Variants in ZNF76 observed in about 807,000 individuals in gnomAD.
ZNF76 encodes the protein zinc finger protein 523.
Under a neutral mutation model 66.9 loss-of-function variants are expected in ZNF76, and 66 were observed. That is an observed-to-expected ratio of 0.99 (90% CI 0.81 to 1.21). The LOEUF (loss-of-function observed/expected upper bound fraction) is 1.21, where lower values mean the gene tolerates loss of function less well. Among genes scored for constraint, ZNF76 ranks in the 50% most tolerant of loss-of-function variants. The pLI is 0.00. For missense variants in ZNF76, 729 were observed against 760.3 expected (o/e 0.96, Z 0.48); for synonymous variants, 275 against 296.1 (o/e 0.93, Z 0.73).
At chr6:35,281,894 C>T (rs1788819679) in intron 2 of ZNF76, among the ~76,000 whole-genome samples, 1 of 150,480 alleles carries the variant, frequency 6.6e-6, no homozygotes, top group Admixed American at 6.7e-5. Flanking sequence ...TATCACTGCA[C>T]CACTGCACAC....
chr6:35,290,477 C>A, intron 6 of ZNF76, 95 bp downstream of exon 6: 1 of 1,566,130 alleles, frequency 6.4e-7, no homozygotes, highest in Non-Finnish European at 8.7e-7. Flanking sequence ...TCCCTGCCCT[C>A]ACGTTGCTGG....
At chr6:35,291,876 GT>G in intron 9 of ZNF76, 139 bp downstream of exon 9, 1 of 941,906 alleles carries the variant, frequency 1.1e-6, no homozygotes, top group Non-Finnish European at 1.6e-6. Flanking sequence ...TGGGGGTAGG[GT>G]ATCCCCAGAA....
chr6:35,291,113 G>A, intron 7 of ZNF76, 165 bp from the exon 8 acceptor site: 2 of 823,252 alleles, frequency 2.4e-6, no homozygotes, highest in Non-Finnish European at 1.9e-6. Flanking sequence ...GAGGGAAGCA[G>A]GGCAGAGTGG....
intron 1 of ZNF76, among the ~76,000 whole-genome samples, chr6:35,273,157 G>GA (rs946593737): frequency 2.8e-5 from 4 of 143,698 alleles, no homozygotes; most frequent in African/African-American, 7.6e-5. Context: ...CTCTGTCTCA[G>GA]AAAAAAAACA....
chr6:35,293,850 G>C lies in ZNF76; in HGVS notation c.1429G>C (p.Asp477His). ...CCTCACCATCCCCAGTCCTGATGCC[G>C]ACCTGGCCACATCTGGCACACATAC... Reference protein sequence around the residue: ...TTLTIPSPDADLATSGTHTVT... With the variant: ...TTLTIPSPDAHLATSGTHTVT... The change falls in exon 12 of 14, where the codon GAC (aspartate) becomes CAC (histidine). Residue 477 changes from aspartate to histidine, a missense_variant. Physicochemically the swap from Asp to His is moderately conservative, Grantham distance 81. Transcript: ENST00000373953. The C allele has an allele frequency of 1.9e-6, 3 of 1,614,088 alleles. No individual in the cohort carries two copies. Among genetic ancestry groups the C allele is most frequent in the Non-Finnish European group, 2.5e-6 (3 of 1,180,004 alleles).
Position 35,291,688 on chromosome 6 carries a change from C to T in ZNF76, c.882C>T (p.Arg294=), listed in dbSNP as rs757919568. 9 of 1,613,196 alleles carry T rather than the reference C, an allele frequency of 5.6e-6. No homozygotes were observed. The highest frequency in any genetic ancestry group is 1.7e-5 in the Admixed American group (1 of 60,004). ...CCTGCCCGGAGCCCCACTGTGGCCG[C>T]GGCTTCACCAGCGCCACCAACTATA... ...PYTCPEPHCG[R]GFTSATNYKN... is the part of the protein sequence containing the mutation. Residue 294 remains arginine (R), a synonymous_variant, in exon 9 of 14, where the codon CGC becomes CGT. Transcript: ENST00000373953.
At chr6:35,290,828 A>C in intron 7 of ZNF76, 112 bp downstream of exon 7, 1 of 1,026,024 alleles carries the variant, frequency 9.7e-7, no homozygotes, top group Non-Finnish European at 1.5e-6. Context: ...AACTACCGTC[A>C]GAGTACTCTG....
chr6:35,281,409 C>G (rs1007711402), intron 2 of ZNF76, among the ~76,000 whole-genome samples, 185 bp downstream of exon 2: 1 of 152,138 alleles, frequency 6.6e-6, no homozygotes, highest in Non-Finnish European at 1.5e-5. Flanking sequence ...AAATAAAATG[C>G]TACAAGTCAG....
At position 35,266,961 on chromosome 6, in the gene ZNF76, C is replaced by T. The variant is rs1178550901; in HGVS notation, c.-97+7120C>T. Among the ~76,000 whole-genome samples the T allele has an allele frequency of 1.4e-4, 21 of 151,624 alleles. No homozygotes were observed. In the East Asian group the frequency reaches 1.6e-3, roughly 11 times the overall value. Reference sequence around the variant, plus strand: ...GACTACAGGTGCCCACCACCGCGCCCGGCTAATTTTTGTATTTTTAGTAGA... The same window carrying T: ...GACTACAGGTGCCCACCACCGCGCCTGGCTAATTTTTGTATTTTTAGTAGA... On this transcript the variant is annotated intron_variant, in intron 1 of 13. Transcript: ENST00000373953.
intron 1 of ZNF76, among the ~76,000 whole-genome samples, chr6:35,272,045 C>T (rs914036734): frequency 2.0e-5 from 3 of 152,118 alleles, no homozygotes; most frequent in African/African-American, 2.4e-5. Flanking sequence ...ATCAAGGCTG[C>T]AGTGGGCTAT....
chr6:35,272,429 G>A (rs896586399), intron 1 of ZNF76, among the ~76,000 whole-genome samples: 16 of 151,948 alleles, frequency 1.1e-4, no homozygotes, highest in Admixed American at 2.6e-4. Context: ...TGATCATGCC[G>A]TTGCACTTGT....
At chr6:35,275,537 A>G (rs181051241) in intron 1 of ZNF76, among the ~76,000 whole-genome samples, 2 of 152,302 alleles carry the variant, frequency 1.3e-5, no homozygotes, top group Non-Finnish European at 2.9e-5. Context: ...ATTGAAAGAA[A>G]GTACAGGGAG....
Position 35,291,590 on chromosome 6 carries a change from T to G in ZNF76, c.784T>G (p.Cys262Gly). ...CCCGTTCCAGTGCCCTTTTGAGGGC[T>G]GTGGCCGCTCCTTCACCACATCTAA... ...ERPFQCPFEG[C>G]GRSFTTSNIR... is the part of the protein sequence containing the mutation. The change falls in exon 9 of 14, where the codon TGT (cysteine) becomes GGT (glycine). Residue 262 changes from cysteine (C) to glycine (G), a missense_variant. Coordinates refer to ENST00000373953, the MANE Select transcript of ZNF76 (RefSeq NM_003427.5). 6.2e-7 allele frequency: 1 copy of G among 1,614,008 alleles called. No individual in the cohort carries two copies. The highest frequency in any genetic ancestry group is 8.5e-7 in the Non-Finnish European group (1 of 1,179,874).
chr6:35,295,249 G>T lies in ZNF76; in HGVS notation c.*1G>T. 1.3e-6 allele frequency: 2 copies of T among 1,597,906 alleles called. No individual in the cohort carries two copies. ...AACAGTGTCGGAGAGTGGCTGCTGA[G>T]TCCAAGAGGGCTGGGTCCCACACCA... On this transcript the variant is annotated 3_prime_UTR_variant, in exon 14 of 14. Transcript: ENST00000373953.
chr6:35,269,312 G>A (rs1046281816), intron 1 of ZNF76, among the ~76,000 whole-genome samples: 36 of 151,098 alleles, frequency 2.4e-4, no homozygotes, highest in Non-Finnish European at 4.3e-4. Flanking sequence ...AATGTATGAG[G>A]CGTACTCAGG....
intron 9 of ZNF76, 114 bp downstream of exon 9, chr6:35,291,851 C>T (rs1790441228): frequency 2.3e-6 from 3 of 1,319,742 alleles, no homozygotes; most frequent in Non-Finnish European, 3.1e-6. Flanking sequence ...CTGTGCCAGC[C>T]ATTCCAGGCT....
chr6:35,287,609 T>A lies in ZNF76; in HGVS notation c.233-37T>A. On this transcript the variant is annotated intron_variant, in intron 4 of 13. Coordinates refer to ENST00000373953, the MANE Select transcript of ZNF76 (RefSeq NM_003427.5). The surrounding 1 kb of genome is among the most constrained non-coding windows in gnomAD (Gnocchi z 4.0). Reference sequence around the variant, plus strand: ...AGGGTCCCAGCTGTATCTCTTCCCCTTGTGTGGCATCAGGGCTAACCGCGT... The same window carrying A: ...AGGGTCCCAGCTGTATCTCTTCCCCATGTGTGGCATCAGGGCTAACCGCGT... 1 of 1,560,182 alleles carries A rather than the reference T, an allele frequency of 6.4e-7. No homozygotes were observed. The highest frequency in any genetic ancestry group is 8.7e-7 in the Non-Finnish European group (1 of 1,150,310).
At position 35,291,655 on chromosome 6, in the gene ZNF76, G is replaced by A. The variant is rs764237884; in HGVS notation, c.849G>A (p.Arg283=). 1.4e-5 allele frequency: 23 copies of A among 1,613,800 alleles called. No homozygotes were observed. The South Asian group carries it at 2.5e-4, about 18-fold the overall frequency. ...ATGTGCGCACCCACACAGGCGAGAG[G>A]CCCTACACCTGCCCGGAGCCCCACT... ...KVHVRTHTGE[R]PYTCPEPHCG... is the part of the protein sequence containing the mutation. Residue 283 remains arginine (R), a synonymous_variant, in exon 9 of 14, where the codon AGG becomes AGA. Coordinates refer to ENST00000373953, the MANE Select transcript of ZNF76 (RefSeq NM_003427.5).
At position 35,292,428 on chromosome 6, in the gene ZNF76, C is replaced by T; in HGVS notation, c.932-126C>T. The T allele has an allele frequency of 1.1e-6, 1 of 914,138 alleles. No homozygotes were observed. Among genetic ancestry groups the T allele is most frequent in the Non-Finnish European group, 1.7e-6 (1 of 581,424 alleles). 56.6% of individuals were successfully genotyped at this position (914,138 alleles called of 1,614,324 possible). On this transcript the variant is annotated intron_variant, in intron 9 of 13. Coordinates refer to ENST00000373953, the MANE Select transcript of ZNF76 (RefSeq NM_003427.5). This position sits in a 1 kb window ranked among gnomAD's most constrained non-coding sequence, Gnocchi z 4.7. ...TTCCCCAACCCTGTCCATTCAGAGT[C>T]TCAGGTCTCAGTCCCTCTCCCTCCC...
Sources: allele counts gnomAD v4.1 joint callset (sites outside exome capture counted in the v4.1 genomes callset), GRCh38; gene constraint gnomAD v4.1.1; non-coding constraint Gnocchi (gnomAD v3.1); transcripts MANE v1.5; gene names NCBI Gene and HGNC (gene_info 2026-07-23, HGNC 2026-07-21).